Variants in NRG1 observed in about 807,000 individuals in gnomAD.
The protein encoded by NRG1 is neuregulin 1.
Under a neutral mutation model 63.8 loss-of-function variants are expected in NRG1, and 18 were observed. The ratio of observed to expected loss-of-function variants is 0.28; its 90% CI spans 0.19 to 0.42. NRG1 has a LOEUF of 0.42. Among genes scored for constraint, NRG1 ranks in the 10% least tolerant of loss-of-function variants. The probability of loss-of-function intolerance (pLI) is 1.00; values close to 1 mark genes in which losing one functional copy is unlikely to be tolerated. For synonymous variants in NRG1, 302 were observed against 301.3 expected, an observed-to-expected ratio of 1.00 and a Z score of -0.02; for missense variants, 762 against 814.7, an observed-to-expected ratio of 0.94 and a Z score of 0.79.
chr8:31,672,481 A>G (rs1807256288), intron 1 of NRG1, among the ~76,000 whole-genome samples: 1 of 152,158 alleles, frequency 6.6e-6, no homozygotes, highest in African/African-American at 2.4e-5. Context: ...TTTAGGTGTT[A>G]GGATTTCTGA....
intron 1 of NRG1, among the ~76,000 whole-genome samples, chr8:32,285,383 C>G (rs567742507): frequency 4.6e-5 from 7 of 152,118 alleles, no homozygotes; most frequent in South Asian, 2.1e-4. Context: ...TTCACAGTCA[C>G]AAACTAAAAA....
chr8:32,409,968 T>A (rs985297795), intron 1 of NRG1, among the ~76,000 whole-genome samples: 1 of 152,112 alleles, frequency 6.6e-6, no homozygotes, highest in Non-Finnish European at 1.5e-5. Flanking sequence ...TCGTTATCTC[T>A]GCATTCTGCT....
intron 1 of NRG1, among the ~76,000 whole-genome samples, chr8:31,892,515 A>G (rs1329898147): frequency 6.6e-6 from 1 of 152,042 alleles, no homozygotes; most frequent in Non-Finnish European, 1.5e-5. Context: ...GAAGTGCTTA[A>G]TATATAAACA....
chr8:32,210,652 G>A (rs75022515), intron 1 of NRG1, among the ~76,000 whole-genome samples: 275 of 152,302 alleles, frequency 1.8e-3, no homozygotes, highest in Non-Finnish European at 3.0e-3. Flanking sequence ...GTAGTTGAAA[G>A]CAAACACTAG....
chr8:31,694,210 T>C (rs1809821437), intron 1 of NRG1, among the ~76,000 whole-genome samples: 1 of 152,164 alleles, frequency 6.6e-6, no homozygotes, highest in African/African-American at 2.4e-5. Context: ...ACCATAGTGA[T>C]ACCTTATTTA....
intron 1 of NRG1, among the ~76,000 whole-genome samples, chr8:31,911,161 CTTG>C (rs35044687): frequency 0.19 from 29,409 of 151,878 alleles, 3,968 homozygotes; most frequent in African/African-American, 0.38. Context: ...TGTGAAGAAA[CTTG>C]TTGTGTGGGA....
chr8:32,053,892 C>G (rs1227633238), intron 1 of NRG1, among the ~76,000 whole-genome samples: 1 of 152,196 alleles, frequency 6.6e-6, no homozygotes, highest in East Asian at 1.9e-4. Context: ...TTGAAACATT[C>G]AGCAGTTCTT....
At chr8:31,950,531 A>G (rs376301706) in intron 1 of NRG1, among the ~76,000 whole-genome samples, 1 of 152,346 alleles carries the variant, frequency 6.6e-6, no homozygotes, top group African/African-American at 2.4e-5. Flanking sequence ...CAGCTGGAAC[A>G]GTTCAATAAG....
At chr8:32,257,841 T>C (rs16879045) in intron 1 of NRG1, among the ~76,000 whole-genome samples, 3,562 of 152,304 alleles carry the variant, frequency 0.023, 143 homozygotes, top group African/African-American at 0.08. Flanking sequence ...TGAAATCCAC[T>C]GTATAAGAAA....
intron 1 of NRG1, among the ~76,000 whole-genome samples, chr8:32,133,140 T>C (rs1334170119): frequency 6.6e-6 from 1 of 152,052 alleles, no homozygotes; most frequent in African/African-American, 2.4e-5. Context: ...GTCTGAAGCT[T>C]CTCCAACATC....
chr8:32,294,731 A>G (rs564706506), intron 1 of NRG1, among the ~76,000 whole-genome samples: 2 of 151,898 alleles, frequency 1.3e-5, no homozygotes, highest in African/African-American at 4.8e-5. Context: ...GCTCTGGCAG[A>G]CTTGTATCAT....
At chr8:32,711,680 A>C (rs1438188637) in intron 5 of NRG1, among the ~76,000 whole-genome samples, 1 of 152,126 alleles carries the variant, frequency 6.6e-6, no homozygotes, top group East Asian at 1.9e-4. Flanking sequence ...TTGCAATTAC[A>C]AAATGTCTTC....
chr8:32,705,440 T>C (rs1816145737), intron 5 of NRG1, among the ~76,000 whole-genome samples: 1 of 152,146 alleles, frequency 6.6e-6, no homozygotes, highest in African/African-American at 2.4e-5. Context: ...CAAGTGACAA[T>C]GTATTTTAAG....
intron 1 of NRG1, among the ~76,000 whole-genome samples, chr8:31,946,256 T>C (rs1006830393): frequency 3.3e-5 from 5 of 152,252 alleles, no homozygotes; most frequent in Non-Finnish European, 7.3e-5. Context: ...TAACAATGTG[T>C]GTGCCCATTC....
intron 1 of NRG1, among the ~76,000 whole-genome samples, chr8:32,282,359 C>A (rs563099096): frequency 5.2e-4 from 79 of 152,324 alleles, no homozygotes; most frequent in African/African-American, 1.8e-3. Flanking sequence ...AATCCAGACT[C>A]CTCTAGTTGA....
intron 1 of NRG1, among the ~76,000 whole-genome samples, chr8:32,561,756 A>G (rs1256349897): frequency 6.7e-6 from 1 of 150,258 alleles, no homozygotes; most frequent in Non-Finnish European, 1.5e-5. Context: ...CCAGAGACCC[A>G]GGGGTCAAAG....
At chr8:31,775,942 T>G (rs982669996) in intron 1 of NRG1, among the ~76,000 whole-genome samples, 1 of 146,562 alleles carries the variant, frequency 6.8e-6, no homozygotes, top group Non-Finnish European at 1.5e-5. Context: ...ATTATTGGAA[T>G]ATGAAGCATT....
At chr8:32,594,768 G>C (rs565128504) in intron 1 of NRG1, among the ~76,000 whole-genome samples, 1 of 152,294 alleles carries the variant, frequency 6.6e-6, no homozygotes, top group Non-Finnish European at 1.5e-5. Context: ...TCTCTGTTGA[G>C]ACTATTTAGA....
rs528997533 is a variant in NRG1, at chr8:32,591,815, C to T, written c.101-4013C>T. ...AGAGCGGAGGGTGAGAAGAACGTGA[C>T]GATTGAAAAACTGCCAGTTGGGTAC... On this transcript the variant is annotated intron_variant, in intron 1 of 11. Transcript: ENST00000356819. 1.4e-4 allele frequency among the ~76,000 whole-genome samples: 22 copies of T among 151,982 alleles called. No individual in the cohort carries two copies. The South Asian group carries it at 1.7e-3, about 11-fold the overall frequency.
Sources: gnomAD v4.1 joint callset for allele counts (sites outside exome capture counted in the v4.1 genomes callset) on GRCh38, gnomAD v4.1.1 for gene constraint, MANE v1.5 for transcripts, NCBI Gene and HGNC (gene_info 2026-07-23, HGNC 2026-07-21) for gene names.